The following KPNA4 variants were observed in gnomAD, a reference collection of about 807,000 sequenced individuals.
KPNA4 encodes the protein importin subunit alpha-3.
KPNA4 carries 13 observed loss-of-function variants against 71.3 expected under a neutral mutation model. The ratio of observed to expected loss-of-function variants is 0.18; its 90% CI spans 0.12 to 0.29. The LOEUF (loss-of-function observed/expected upper bound fraction) is 0.29, where lower values mean the gene tolerates loss of function less well. Among genes scored for constraint, KPNA4 ranks in the 10% least tolerant of loss-of-function variants. The pLI is 1.00. For synonymous variants in KPNA4, 189 were observed against 195.2 expected, an observed-to-expected ratio of 0.97 and a Z score of 0.26; for missense variants, 334 against 603.2, an observed-to-expected ratio of 0.55 and a Z score of 4.67.
At chr3:160,545,059 A>G (rs1266638682) in intron 1 of KPNA4, among the ~76,000 whole-genome samples, 1 of 152,206 alleles carries the variant, frequency 6.6e-6, no homozygotes, top group Non-Finnish European at 1.5e-5. Flanking sequence ...ATCCAGTCCA[A>G]TATTCTTTAC....
At chr3:160,542,386 T>C (rs1484884474) in intron 1 of KPNA4, among the ~76,000 whole-genome samples, 1 of 152,222 alleles carries the variant, frequency 6.6e-6, no homozygotes, top group East Asian at 1.9e-4. Flanking sequence ...GCAACCATCA[T>C]GGTGCTTATT....
intron 7 of KPNA4, among the ~76,000 whole-genome samples, 169 bp downstream of exon 7, chr3:160,530,685 TC>T (rs1328084572): frequency 6.6e-6 from 1 of 152,178 alleles, no homozygotes; most frequent in African/African-American, 2.4e-5. Flanking sequence ...AAAACATCAG[TC>T]ACCAGAATAA....
At chr3:160,515,702 CCT>C in intron 11 of KPNA4, 122 bp from the exon 12 acceptor site, 2 of 1,080,060 alleles carry the variant, frequency 1.9e-6, no homozygotes, top group Non-Finnish European at 2.6e-6. Flanking sequence ...GTAACCTCTG[CCT>C]CTCAGGCTCA....
intron 8 of KPNA4, among the ~76,000 whole-genome samples, chr3:160,527,736 C>G (rs191594100): frequency 2.6e-5 from 4 of 152,200 alleles, no homozygotes; most frequent in Admixed American, 2.0e-4. Context: ...TAATTAAGAG[C>G]TAACTATATA....
Position 160,530,944 on chromosome 3 carries a change from C to T in KPNA4, c.384-4G>A, listed in dbSNP as rs763182788. On this transcript the variant is annotated splice_region_variant and splice_polypyrimidine_tract_variant and intron_variant, in intron 6 of 16. Transcript: ENST00000334256. ...AGCTTCAAACTGTAAAGAAGGACTA[C>T]AAAAAAAAACAAGTATTTTTAAACA... 2 of 1,553,452 alleles carry T rather than the reference C, an allele frequency of 1.3e-6. No individual in the cohort carries two copies. Among genetic ancestry groups the T allele is most frequent in the Middle Eastern group, 1.7e-4 (1 of 5,812 alleles).
chr3:160,533,485 C>A (rs1350683315), intron 5 of KPNA4, among the ~76,000 whole-genome samples: 1 of 149,906 alleles, frequency 6.7e-6, no homozygotes, highest in Non-Finnish European at 1.5e-5. Context: ...GAAGTCTTAA[C>A]CCAGCCTTCT....
chr3:160,531,121 C>G (rs535231384), intron 6 of KPNA4, among the ~76,000 whole-genome samples, 181 bp from the exon 7 acceptor site: 1 of 152,256 alleles, frequency 6.6e-6, no homozygotes, highest in African/African-American at 2.4e-5. Context: ...GTATAAAAAG[C>G]ATACAACCTC....
At chr3:160,507,084 T>C (rs1202060031) in intron 15 of KPNA4, among the ~76,000 whole-genome samples, 3 of 152,212 alleles carry the variant, frequency 2.0e-5, no homozygotes, top group African/African-American at 7.2e-5. Context: ...GTCTATATAT[T>C]AACTCTAAGA....
Position 160,501,751 on chromosome 3 carries a change from C to G in KPNA4, c.*353G>C, listed in dbSNP as rs1433747644. On this transcript the variant is annotated 3_prime_UTR_variant, in exon 17 of 17. Coordinates refer to ENST00000334256, the MANE Select transcript of KPNA4 (RefSeq NM_002268.5). ...GAAGATGACGGTACTGCACTTTCCC[C>G]TCAATTGATATAGAGTAAGTCAATG... is the stretch of plus-strand genomic sequence containing the variant. 1 of 152,902 alleles carries G rather than the reference C, an allele frequency of 6.5e-6. No homozygotes were observed. The highest frequency in any genetic ancestry group is 1.5e-5 in the Non-Finnish European group (1 of 68,248). The allele number at this position is 152,902 out of a possible 1,614,324, so 9.5% of individuals were successfully genotyped here. A position where few individuals can be genotyped will look rare whatever the true frequency, so the allele number is the denominator to read the frequency against.
chr3:160,534,776 A>T (rs550599217), intron 5 of KPNA4, among the ~76,000 whole-genome samples: 2 of 150,626 alleles, frequency 1.3e-5, no homozygotes, highest in East Asian at 3.9e-4. Flanking sequence ...CTGGAAAGAC[A>T]CTGGGAGTGT....
At chr3:160,506,176 TTA>T (rs1300732783) in intron 15 of KPNA4, among the ~76,000 whole-genome samples, 53 of 151,794 alleles carry the variant, frequency 3.5e-4, no homozygotes, top group African/African-American at 1.2e-3. Flanking sequence ...TTATTTTATT[TTA>T]TTTTTTTTGA....
In KPNA4 at chr3:160,528,366, C is replaced by CT. The variant is rs529797653; in HGVS notation, c.470-328dup. ...AAAAAAAAGTACATTATTGAAGTAA[C>CT]TTTTTTTTTGTTTTTTTGAGACGGA... On this transcript the variant is annotated intron_variant, in intron 7 of 16. Transcript: ENST00000334256. 4.6e-5 allele frequency among the ~76,000 whole-genome samples: 7 copies of CT among 151,238 alleles called. No individual in the cohort carries two copies. The South Asian group carries it at 1.3e-3, about 27-fold the overall frequency.
chr3:160,559,744 T>C (rs1722206453), intron 1 of KPNA4, among the ~76,000 whole-genome samples: 1 of 152,134 alleles, frequency 6.6e-6, no homozygotes, highest in Non-Finnish European at 1.5e-5. Context: ...AAGGTGGACA[T>C]TCTTCACACA....
intron 1 of KPNA4, among the ~76,000 whole-genome samples, chr3:160,546,339 G>A (rs1721907015): frequency 1.3e-5 from 2 of 152,226 alleles, no homozygotes; most frequent in South Asian, 2.1e-4. Flanking sequence ...GCAACATGGC[G>A]AAACCCTGAC....
At chr3:160,542,794 G>A (rs1480137647) in intron 1 of KPNA4, among the ~76,000 whole-genome samples, 7 of 152,048 alleles carry the variant, frequency 4.6e-5, no homozygotes, top group Non-Finnish European at 7.4e-5. Context: ...GAGTGTAGGA[G>A]GTCAGACTTA....
At chr3:160,525,434 A>G (rs186689190) in intron 10 of KPNA4, among the ~76,000 whole-genome samples, 11 of 152,334 alleles carry the variant, frequency 7.2e-5, no homozygotes, top group Middle Eastern at 6.8e-3. Context: ...TTCTGTAAAA[A>G]GCACAAGAAC....
intron 1 of KPNA4, among the ~76,000 whole-genome samples, chr3:160,542,796 T>G (rs921687904): frequency 1.4e-4 from 22 of 151,972 alleles, no homozygotes; most frequent in Admixed American, 2.6e-4. Flanking sequence ...GTGTAGGAGG[T>G]CAGACTTAAT....
chr3:160,530,959 A>C lies in KPNA4; in HGVS notation c.384-19T>G, dbSNP rs755995072. On this transcript the variant is annotated intron_variant, in intron 6 of 16. Coordinates refer to ENST00000334256, the MANE Select transcript of KPNA4 (RefSeq NM_002268.5). Reference sequence around the variant, plus strand: ...AGAAGGACTACAAAAAAAAACAAGTATTTTTAAACAGCAGGGATTTTTACA... The same window carrying C: ...AGAAGGACTACAAAAAAAAACAAGTCTTTTTAAACAGCAGGGATTTTTACA... 7.1e-6 allele frequency: 11 copies of C among 1,560,210 alleles called. No homozygotes were observed. The highest frequency in any genetic ancestry group is 7.0e-6 in the Non-Finnish European group (8 of 1,140,486).
At position 160,555,515 on chromosome 3, in the gene KPNA4, ACTTT is replaced by A. The variant is rs573244799; in HGVS notation, c.69+9695_69+9698del. 1.2e-4 allele frequency among the ~76,000 whole-genome samples: 19 copies of A among 152,336 alleles called. No homozygotes were observed. In the South Asian group the frequency reaches 3.5e-3, roughly 28 times the overall value. On this transcript the variant is annotated intron_variant, in intron 1 of 16. Transcript: ENST00000334256. ...TGCCTACATATCTATGATAAAACTT[ACTTT>A]ATCAATTAGGCACAGTAAGAGATTA...
Sources: gnomAD v4.1 joint callset for allele counts (sites outside exome capture counted in the v4.1 genomes callset) on GRCh38, gnomAD v4.1.1 for gene constraint, MANE v1.5 for transcripts, NCBI Gene and HGNC (gene_info 2026-07-23, HGNC 2026-07-21) for gene names.